Variants in DISC1 observed in about 807,000 individuals in gnomAD.
DISC1 encodes the protein DISC1 scaffold protein.
Under a neutral mutation model 84.5 loss-of-function variants are expected in DISC1, and 57 were observed. The observed-to-expected ratio is 0.67, with a 90% confidence interval of 0.55 to 0.84. DISC1 has a LOEUF of 0.84. Ranked by LOEUF, DISC1 falls within the 40% of genes least tolerant of loss-of-function variation. The pLI is 0.00. For synonymous variants in DISC1, 411 were observed against 415.2 expected (o/e 0.99, Z 0.12); for missense variants, 1,000 against 1,057.8 (o/e 0.95, Z 0.76).
At chr1:231,695,833 A>G (rs891186512) in intron 2 of DISC1, among the ~76,000 whole-genome samples, 1 of 152,088 alleles carries the variant, frequency 6.6e-6, no homozygotes, top group South Asian at 2.1e-4. Context: ...AGCATCTCCC[A>G]TCTGTTCTTT....
intron 11 of DISC1, among the ~76,000 whole-genome samples, chr1:232,025,809 G>A (rs947196890): frequency 6.6e-6 from 1 of 152,042 alleles, no homozygotes; most frequent in African/African-American, 2.4e-5. Flanking sequence ...TGTTAGCCAG[G>A]ATGGTCTTGA....
intron 9 of DISC1, among the ~76,000 whole-genome samples, chr1:231,905,349 T>C (rs754988584): frequency 9.9e-5 from 15 of 152,234 alleles, no homozygotes; most frequent in African/African-American, 1.4e-4. Flanking sequence ...CTGTACGCAG[T>C]GGCTCATGCC....
chr1:231,918,210 A>AT (rs1413667408), intron 9 of DISC1, among the ~76,000 whole-genome samples: 2 of 152,162 alleles, frequency 1.3e-5, no homozygotes, highest in African/African-American at 2.4e-5. Context: ...GCTATGAGCT[A>AT]TATTTGTGCC....
rs1273949876 is a variant in DISC1 at position 231,943,844 on chromosome 1, T to G, written c.1982-14984T>G. The stretch of plus-strand genomic sequence containing the variant: ...GTTCAAGCTATTCTCCTACCTCAGC[T>G]TCCTGAGTAGCTGGGACTATGGACA... On this transcript the variant is annotated intron_variant, in intron 9 of 12. Coordinates refer to ENST00000439617, the MANE Select transcript of DISC1 (RefSeq NM_018662.3). 5 of 152,108 alleles carry G rather than the reference T, an allele frequency of 3.3e-5. No individual in the cohort carries two copies. The East Asian group carries it at 9.7e-4, about 30-fold the overall frequency. 9.4% of individuals were successfully genotyped at this position (152,108 alleles called of 1,614,324 possible).
chr1:231,839,330 A>G (rs2082857136), intron 9 of DISC1, among the ~76,000 whole-genome samples: 1 of 152,214 alleles, frequency 6.6e-6, no homozygotes, highest in South Asian at 2.1e-4. Flanking sequence ...TACTACTAAT[A>G]TTGACCTCTT....
At chr1:231,739,128 G>A (rs1179210377) in intron 3 of DISC1, among the ~76,000 whole-genome samples, 1 of 152,174 alleles carries the variant, frequency 6.6e-6, no homozygotes, top group Non-Finnish European at 1.5e-5. Context: ...TATAGAAAAT[G>A]TGTGTAAATG....
intron 9 of DISC1, among the ~76,000 whole-genome samples, chr1:231,878,050 G>A (rs1014662510): frequency 4.6e-5 from 7 of 152,170 alleles, no homozygotes; most frequent in Non-Finnish European, 1.0e-4. Flanking sequence ...CTTTTGAAAT[G>A]TCTGATGCAA....
At chr1:231,872,873 A>G (rs1206997864) in intron 9 of DISC1, among the ~76,000 whole-genome samples, 1 of 152,232 alleles carries the variant, frequency 6.6e-6, no homozygotes, top group East Asian at 1.9e-4. Context: ...CTTTTACCCC[A>G]GATAAGCAAT....
At chr1:231,692,278 C>T (rs2065134266) in intron 1 of DISC1, among the ~76,000 whole-genome samples, 1 of 152,222 alleles carries the variant, frequency 6.6e-6, no homozygotes, top group Admixed American at 6.5e-5. Flanking sequence ...TCCATTCCTC[C>T]CTTCCTTGCA....
At chr1:231,639,649 T>G (rs1245453124) in intron 1 of DISC1, among the ~76,000 whole-genome samples, 1 of 152,218 alleles carries the variant, frequency 6.6e-6, no homozygotes, top group Non-Finnish European at 1.5e-5. Flanking sequence ...AGTCCTCTAG[T>G]GTCTGTAGAT....
chr1:231,790,619 C>T (rs200788497), intron 6 of DISC1, among the ~76,000 whole-genome samples: 8 of 151,782 alleles, frequency 5.3e-5, no homozygotes, highest in African/African-American at 1.7e-4. Context: ...CCCGGGTTCA[C>T]GCCATTCTCC....
intron 9 of DISC1, among the ~76,000 whole-genome samples, chr1:231,899,037 A>G (rs2087941957): frequency 6.6e-6 from 1 of 152,164 alleles, no homozygotes; most frequent in Non-Finnish European, 1.5e-5. Context: ...TGAGATGGAA[A>G]GAGTGGAGGA....
intron 9 of DISC1, among the ~76,000 whole-genome samples, chr1:231,858,140 AACTC>A (rs2084395155): frequency 1.3e-5 from 2 of 152,262 alleles, no homozygotes; most frequent in South Asian, 4.1e-4. Flanking sequence ...AGATTTTACT[AACTC>A]AATTAATAAT....
intron 9 of DISC1, among the ~76,000 whole-genome samples, chr1:231,934,013 C>T (rs1375052313): frequency 1.3e-5 from 2 of 152,130 alleles, no homozygotes; most frequent in East Asian, 1.9e-4. Flanking sequence ...AGGCTGAAGC[C>T]GAGAAGCCAA....
At chr1:231,644,030 C>T (rs531885474) in intron 1 of DISC1, among the ~76,000 whole-genome samples, 1 of 152,300 alleles carries the variant, frequency 6.6e-6, no homozygotes, top group African/African-American at 2.4e-5. Flanking sequence ...AGCTGCAATT[C>T]TGTCAACAAG....
chr1:231,946,867 G>T (rs1307592950), intron 9 of DISC1, among the ~76,000 whole-genome samples: 2 of 152,132 alleles, frequency 1.3e-5, no homozygotes, highest in African/African-American at 4.8e-5. Context: ...TTGCTACAAA[G>T]AGAATAAAAT....
At chr1:231,794,379 G>GGTGACAGCT (rs1221436750) in intron 6 of DISC1, among the ~76,000 whole-genome samples, 1 of 152,058 alleles carries the variant, frequency 6.6e-6, no homozygotes, top group African/African-American at 2.4e-5. Flanking sequence ...TATTCTGCCT[G>GGTGACAGCT]GTGACAGCTT....
At chr1:231,655,559 A>G (rs1348766499) in intron 1 of DISC1, among the ~76,000 whole-genome samples, 1 of 152,154 alleles carries the variant, frequency 6.6e-6, no homozygotes, top group African/African-American at 2.4e-5. Flanking sequence ...TGATAATCAT[A>G]TGCATGCAGG....
At chr1:231,724,709 G>A (rs1019285147) in intron 3 of DISC1, among the ~76,000 whole-genome samples, 2 of 152,174 alleles carry the variant, frequency 1.3e-5, no homozygotes, top group African/African-American at 4.8e-5. Context: ...TCCTTAAACA[G>A]TGAGGTGCCC....
Sources: allele counts gnomAD v4.1 joint callset (sites outside exome capture counted in the v4.1 genomes callset), GRCh38; gene constraint gnomAD v4.1.1; transcripts MANE v1.5; gene names NCBI Gene and HGNC (gene_info 2026-07-23, HGNC 2026-07-21).